Variants in PCDHA9 observed in about 807,000 individuals in gnomAD.
The protein encoded by PCDHA9 is protocadherin alpha 9, also known as protocadherin alpha-9.
Under a neutral mutation model 62.0 loss-of-function variants are expected in PCDHA9, and 62 were observed. The ratio of observed to expected loss-of-function variants is 1.00; its 90% CI spans 0.81 to 1.23. The LOEUF is 1.23. PCDHA9 is among the 50% of genes most tolerant of loss of function. The pLI is 0.00. For synonymous variants in PCDHA9, 557 were observed against 567.6 expected (o/e 0.98, Z 0.27); for missense variants, 1,205 against 1,249.8 (o/e 0.96, Z 0.54).
chr5:141,010,618 G>T lies in PCDHA9; in HGVS notation c.*681G>T. The T allele has an allele frequency of 5.2e-6, 1 of 191,706 alleles. No individual in the cohort carries two copies. The highest frequency in any genetic ancestry group is 1.1e-5 in the Non-Finnish European group (1 of 92,168). 11.9% of individuals were successfully genotyped at this position (191,706 alleles called of 1,614,324 possible). ...TGTGACGTCATTATACCTAAAATCT[G>T]CATCATACCTGCAAGCCAACAGTTC... is the stretch of plus-strand genomic sequence containing the variant. On this transcript the variant is annotated 3_prime_UTR_variant, in exon 4 of 4. Coordinates refer to ENST00000532602, the MANE Select transcript of PCDHA9 (RefSeq NM_031857.2).
intron 1 of PCDHA9, among the ~76,000 whole-genome samples, chr5:140,950,687 C>A (rs2153690415): frequency 6.6e-6 from 1 of 152,106 alleles, no homozygotes; most frequent in South Asian, 2.1e-4. Context: ...ATATTGTTAA[C>A]CAAATTTGAC....
intron 1 of PCDHA9, chr5:140,876,955 G>T (rs782751017): frequency 1.3e-5 from 21 of 1,613,390 alleles, no homozygotes; most frequent in Non-Finnish European, 1.7e-5. Context: ...CTACTCGCTG[G>T]TGGAGCGGCG....
In PCDHA9 at chr5:140,852,077, T is replaced by C. The variant is rs1291291529; in HGVS notation, c.2394+1188T>C. 28 of 903,448 alleles carry C rather than the reference T, an allele frequency of 3.1e-5. 1 individual carries two copies. The highest frequency in any genetic ancestry group is 3.8e-5 in the Non-Finnish European group (28 of 741,468). The allele number at this position is 903,448 out of a possible 1,614,324, so 56.0% of individuals were successfully genotyped here. ...ATATTTTTCTTTCTCTTTCAGCTAT[T>C]TTATTTAATATTGTGTCAGATATTT... is the stretch of plus-strand genomic sequence containing the variant. On this transcript the variant is annotated intron_variant, in intron 1 of 3. Coordinates refer to ENST00000532602, the MANE Select transcript of PCDHA9 (RefSeq NM_031857.2).
chr5:140,914,758 C>T (rs1435498037), intron 1 of PCDHA9, among the ~76,000 whole-genome samples: 3 of 151,912 alleles, frequency 2.0e-5, no homozygotes, highest in Non-Finnish European at 4.4e-5. Context: ...TTTGAGGTTA[C>T]ATGAGGTTTA....
intron 1 of PCDHA9, chr5:140,875,418 G>A: frequency 6.6e-7 from 1 of 1,515,104 alleles, no homozygotes; most frequent in Non-Finnish European, 8.8e-7. Flanking sequence ...AAATACCTCA[G>A]GCAAGCGATC....
intron 1 of PCDHA9, among the ~76,000 whole-genome samples, chr5:140,905,476 C>A (rs904790256): frequency 6.6e-6 from 1 of 152,158 alleles, no homozygotes; most frequent in East Asian, 1.9e-4. Flanking sequence ...GTGATGCCTT[C>A]AGATTTCTTC....
At chr5:140,962,564 G>A (rs1224952009) in intron 1 of PCDHA9, among the ~76,000 whole-genome samples, 2 of 152,124 alleles carry the variant, frequency 1.3e-5, no homozygotes, top group Non-Finnish European at 2.9e-5. Context: ...CCCCCTAAAA[G>A]CCAATTGTTA....
In PCDHA9 at chr5:140,882,919, A is replaced by G. The variant is rs781879301; in HGVS notation, c.2394+32030A>G. 7.4e-6 allele frequency: 12 copies of G among 1,614,104 alleles called. No homozygotes were observed. In the East Asian group the frequency reaches 2.7e-4, roughly 36 times the overall value. The stretch of plus-strand genomic sequence containing the variant: ...GTTTATTACTGACAGCCAGTGATGG[A>G]GGTAAACCCGAGCTGACTGGCACAG... On this transcript the variant is annotated intron_variant, in intron 1 of 3. Coordinates refer to ENST00000532602, the MANE Select transcript of PCDHA9 (RefSeq NM_031857.2).
chr5:140,884,518 C>G, intron 1 of PCDHA9: 2 of 1,614,054 alleles, frequency 1.2e-6, no homozygotes, highest in Non-Finnish European at 1.7e-6. Context: ...GTTGGTCGTA[C>G]TCGCAGCAGA....
rs782133089 is a variant in PCDHA9, at chr5:140,924,894, C to CA, written c.2395-54044dup. Among the ~76,000 whole-genome samples, 369 of 71,492 alleles carry CA rather than the reference C, an allele frequency of 5.2e-3. 5 individuals carry two copies. The South Asian group carries it at 0.07, about 14-fold the overall frequency. 46.9% of individuals were successfully genotyped at this position (71,492 alleles called of 152,430 possible). ...TGGGTGACAGAGCAAGAACCTGTCT[C>CA]AAAAAAAAAAATAAAATAAAATAAA... is the stretch of plus-strand genomic sequence containing the variant. On this transcript the variant is annotated intron_variant, in intron 1 of 3. Coordinates refer to ENST00000532602, the MANE Select transcript of PCDHA9 (RefSeq NM_031857.2).
intron 1 of PCDHA9, chr5:140,865,929 A>G (rs2049057617): frequency 6.6e-6 from 1 of 152,198 alleles, no homozygotes; most frequent in South Asian, 2.1e-4. Flanking sequence ...TGCTTAGAAG[A>G]AACTTCATGA....
chr5:140,856,716 G>T (rs1482820775), intron 1 of PCDHA9: 1 of 1,596,628 alleles, frequency 6.3e-7, no homozygotes, highest in Admixed American at 1.7e-5. Context: ...GAATTTACCG[G>T]ATCTGTTTCT....
chr5:140,852,913 C>G, intron 1 of PCDHA9: 9 of 789,792 alleles, frequency 1.1e-5, no homozygotes, highest in Non-Finnish European at 1.4e-5. Flanking sequence ...GAGTCTCGCT[C>G]TGTTGCCCAG....
At chr5:140,858,360 GC>G (rs1562537531) in intron 1 of PCDHA9, 1 of 1,592,532 alleles carries the variant, frequency 6.3e-7, no homozygotes. Context: ...ATGGCCTTCA[GC>G]CCCAGCCTTC....
At chr5:140,966,749 C>T (rs1554228607) in intron 1 of PCDHA9, 1 of 1,428,076 alleles carries the variant, frequency 7.0e-7, no homozygotes, top group Middle Eastern at 2.5e-4. Flanking sequence ...CCGGCTGCCT[C>T]CGCCGCGGCC....
intron 1 of PCDHA9, among the ~76,000 whole-genome samples, chr5:140,875,128 C>A (rs1554167491): frequency 6.6e-6 from 1 of 152,068 alleles, no homozygotes; most frequent in East Asian, 1.9e-4. Context: ...ATTAACTAAA[C>A]CCGCATTTAT....
Position 140,848,391 on chromosome 5 carries a change from G to A in PCDHA9, c.-105G>A. ...GGCTCAATTCTTTTTCACTCTCTCTGTGCTGAACGATGGCGAACACAGCAG... is the reference window on the plus strand; with the variant it reads ...GGCTCAATTCTTTTTCACTCTCTCTATGCTGAACGATGGCGAACACAGCAG... On this transcript the variant is annotated 5_prime_UTR_variant, in exon 1 of 4. It adds an upstream start codon to the 5' untranslated region. Coordinates refer to ENST00000532602, the MANE Select transcript of PCDHA9 (RefSeq NM_031857.2). The A allele has an allele frequency of 2.4e-6, 3 of 1,246,922 alleles. No homozygotes were observed. In the South Asian group the frequency reaches 4.3e-5, roughly 18 times the overall value. 77.2% of individuals were successfully genotyped at this position (1,246,922 alleles called of 1,614,324 possible).
chr5:140,865,419 T>A (rs1327080302), intron 1 of PCDHA9: 2 of 152,314 alleles, frequency 1.3e-5, no homozygotes, highest in African/African-American at 4.8e-5. Flanking sequence ...ATTAGTAGTG[T>A]CTACCTAGAA....
intron 1 of PCDHA9, among the ~76,000 whole-genome samples, chr5:140,895,233 A>G (rs2064923914): frequency 3.3e-5 from 5 of 152,070 alleles, no homozygotes; most frequent in Admixed American, 2.6e-4. Context: ...GAGTTTTCTC[A>G]TCTCTCTTTT....
Sources: allele counts gnomAD v4.1 joint callset (sites outside exome capture counted in the v4.1 genomes callset), GRCh38; gene constraint gnomAD v4.1.1; transcripts MANE v1.5; gene names NCBI Gene and HGNC (gene_info 2026-07-23, HGNC 2026-07-21).